The following ALK variants were observed in gnomAD, a reference collection of about 807,000 sequenced individuals.
The protein encoded by ALK is ALK receptor tyrosine kinase.
Under a neutral mutation model 163.1 loss-of-function variants are expected in ALK, and 74 were observed. That is an observed-to-expected ratio of 0.45 (90% CI 0.38 to 0.55). The LOEUF (loss-of-function observed/expected upper bound fraction) is 0.55, where lower values mean the gene tolerates loss of function less well. Ranked by LOEUF, ALK falls within the 20% of genes least tolerant of loss-of-function variation. The probability of loss-of-function intolerance (pLI) is 0.00; values close to 1 mark genes in which losing one functional copy is unlikely to be tolerated. For synonymous variants in ALK, 960 were observed against 843.2 expected, an observed-to-expected ratio of 1.14 and a Z score of -2.40; for missense variants, 2,063 against 2,105.3, an observed-to-expected ratio of 0.98 and a Z score of 0.39.
At chr2:29,226,825 C>T (rs977074253) in intron 18 of ALK, 97 bp downstream of exon 18, 34 of 1,506,148 alleles carry the variant, frequency 2.3e-5, no homozygotes, top group Middle Eastern at 2.3e-4. Context: ...TTTACAAAAC[C>T]GAATCCAGGG....
intron 1 of ALK, among the ~76,000 whole-genome samples, chr2:29,847,152 C>A (rs1665865617): frequency 1.3e-5 from 2 of 152,202 alleles, no homozygotes; most frequent in Admixed American, 6.5e-5. Context: ...TTCCCAGGGG[C>A]TCCTCCCTTC....
chr2:29,544,116 T>G (rs527342212), intron 3 of ALK, among the ~76,000 whole-genome samples: 2 of 152,218 alleles, frequency 1.3e-5, no homozygotes, highest in East Asian at 1.9e-4. Context: ...TCATGTTAGG[T>G]GGGAACTAAG....
chr2:29,201,029 T>C (rs1191891275), intron 26 of ALK, among the ~76,000 whole-genome samples: 1 of 151,826 alleles, frequency 6.6e-6, no homozygotes, highest in East Asian at 1.9e-4. Context: ...AGCTGTTCTG[T>C]ATCAGCCTTT....
intron 5 of ALK, among the ~76,000 whole-genome samples, chr2:29,376,418 C>T (rs536936558): frequency 2.0e-5 from 3 of 152,198 alleles, no homozygotes; most frequent in Admixed American, 6.5e-5. Flanking sequence ...TCAAAGATGC[C>T]CTTTAAGAAA....
chr2:29,675,171 A>G (rs1677836105), intron 3 of ALK, among the ~76,000 whole-genome samples: 1 of 152,098 alleles, frequency 6.6e-6, no homozygotes, highest in Admixed American at 6.6e-5. Flanking sequence ...AACAACCTAC[A>G]TTTTCATTAA....
chr2:29,556,988 G>T (rs762709780), intron 3 of ALK, among the ~76,000 whole-genome samples: 25 of 152,146 alleles, frequency 1.6e-4, no homozygotes, highest in Admixed American at 7.2e-4. Context: ...AAATACTTTA[G>T]CTTCATTATC....
chr2:29,777,153 T>C (rs975509527), intron 1 of ALK, among the ~76,000 whole-genome samples: 1 of 152,224 alleles, frequency 6.6e-6, no homozygotes, highest in African/African-American at 2.4e-5. Context: ...TACACTAAAC[T>C]AGCATTTGCT....
chr2:29,197,807 C>T (rs2148143979), intron 26 of ALK, 131 bp from the exon 27 acceptor site: 1 of 800,868 alleles, frequency 1.2e-6, no homozygotes, highest in Admixed American at 2.0e-5. Flanking sequence ...TAACATAGAA[C>T]TCTTAAAATG....
At chr2:29,550,168 ATG>A (rs1673678040) in intron 3 of ALK, among the ~76,000 whole-genome samples, 1 of 152,194 alleles carries the variant, frequency 6.6e-6, no homozygotes, top group Non-Finnish European at 1.5e-5. Flanking sequence ...CCCGAGCAAT[ATG>A]TTAACATTTT....
chr2:29,768,438 C>T (rs996749351), intron 1 of ALK, among the ~76,000 whole-genome samples: 2 of 152,070 alleles, frequency 1.3e-5, no homozygotes, highest in Admixed American at 6.6e-5. Context: ...AGACAGATAG[C>T]CTTGATTGCA....
At chr2:29,260,671 C>G (rs1231025622) in intron 11 of ALK, among the ~76,000 whole-genome samples, 1 of 151,924 alleles carries the variant, frequency 6.6e-6, no homozygotes, top group African/African-American at 2.4e-5. Context: ...ACCGTCTCTA[C>G]TGAAAATACA....
chr2:29,870,082 A>ACC (rs1666539719), intron 1 of ALK, among the ~76,000 whole-genome samples: 2 of 152,174 alleles, frequency 1.3e-5, no homozygotes, highest in Non-Finnish European at 2.9e-5. Flanking sequence ...ACATTTTTTT[A>ACC]AAAGTTGGTG....
intron 3 of ALK, among the ~76,000 whole-genome samples, chr2:29,676,573 A>G (rs943306550): frequency 3.9e-5 from 6 of 151,992 alleles, no homozygotes; most frequent in Non-Finnish European, 8.8e-5. Context: ...CTTTATAGTA[A>G]GTTTTGAAAT....
chr2:29,327,013 T>C (rs966177227), intron 6 of ALK, among the ~76,000 whole-genome samples: 1 of 152,194 alleles, frequency 6.6e-6, no homozygotes, highest in Non-Finnish European at 1.5e-5. Context: ...TGAGGGAAGA[T>C]GCCAAGTTAT....
intron 3 of ALK, among the ~76,000 whole-genome samples, chr2:29,664,139 C>T (rs1677436687): frequency 6.6e-6 from 1 of 152,076 alleles, no homozygotes; most frequent in African/African-American, 2.4e-5. Flanking sequence ...CTCTGAGAGC[C>T]AGGAGAGATG....
intron 4 of ALK, among the ~76,000 whole-genome samples, chr2:29,462,742 G>A (rs571636067): frequency 6.6e-6 from 1 of 152,138 alleles, no homozygotes; most frequent in African/African-American, 2.4e-5. Flanking sequence ...GAGAAGAAAT[G>A]CAAGAGTTAA....
intron 4 of ALK, among the ~76,000 whole-genome samples, chr2:29,457,420 A>G (rs1670982523): frequency 6.6e-6 from 1 of 152,124 alleles, no homozygotes; most frequent in South Asian, 2.1e-4. Flanking sequence ...GGATAATTCC[A>G]AACAGTACTT....
chr2:29,671,183 C>T (rs1332925972), intron 3 of ALK, among the ~76,000 whole-genome samples: 1 of 151,908 alleles, frequency 6.6e-6, no homozygotes, highest in African/African-American at 2.4e-5. Context: ...TAGGTTGCTG[C>T]CTCCTTTTTG....
intron 5 of ALK, among the ~76,000 whole-genome samples, chr2:29,348,392 T>C (rs1257151936): frequency 6.6e-6 from 1 of 152,240 alleles, no homozygotes; most frequent in Non-Finnish European, 1.5e-5. Context: ...TATTTGTGCA[T>C]CCTCGGGGCA....
Sources: allele counts gnomAD v4.1 joint callset (sites outside exome capture counted in the v4.1 genomes callset), GRCh38; gene constraint gnomAD v4.1.1; transcripts MANE v1.5; gene names NCBI Gene and HGNC (gene_info 2026-07-23, HGNC 2026-07-21).